DGKB: variants seen among roughly 807,000 people sequenced by gnomAD.
DGKB encodes the protein 90 kDa diacylglycerol kinase.
A neutral mutation model predicts 114.3 loss-of-function variants in DGKB; 67 were observed. The ratio of observed to expected loss-of-function variants is 0.59; its 90% CI spans 0.48 to 0.72. The LOEUF (loss-of-function observed/expected upper bound fraction) is 0.72, where lower values mean the gene tolerates loss of function less well. Ranked by LOEUF, DGKB falls within the 30% of genes least tolerant of loss-of-function variation. The probability of loss-of-function intolerance (pLI) is 0.00; values close to 1 mark genes in which losing one functional copy is unlikely to be tolerated. For missense variants in DGKB, 907 were observed against 975.2 expected (o/e 0.93, Z 0.93); for synonymous variants, 398 against 323.1 (o/e 1.23, Z -2.49).
At chr7:14,894,754 G>A (rs1781840299) in intron 1 of DGKB, among the ~76,000 whole-genome samples, 1 of 151,508 alleles carries the variant, frequency 6.6e-6, no homozygotes, top group Admixed American at 6.6e-5. Flanking sequence ...ATTTCCACTT[G>A]AAGCTCAAAA....
intron 15 of DGKB, chr7:14,621,123 A>C (rs1440456330): frequency 2.8e-6 from 1 of 355,040 alleles, no homozygotes; most frequent in Non-Finnish European, 5.1e-6. Context: ...ATAATTTTCA[A>C]ATCTTTCAAA....
chr7:14,177,226 A>G (rs2128244669), intron 24 of DGKB, among the ~76,000 whole-genome samples: 1 of 152,208 alleles, frequency 6.6e-6, no homozygotes, highest in African/African-American at 2.4e-5. Flanking sequence ...ATAACCCTAC[A>G]TTGCAAACTG....
intron 1 of DGKB, among the ~76,000 whole-genome samples, chr7:14,913,623 AAAG>A (rs1784096964): frequency 1.3e-5 from 2 of 151,958 alleles, no homozygotes; most frequent in African/African-American, 4.8e-5. Flanking sequence ...CTGGAAGAGC[AAAG>A]AAGGAGGCAA....
chr7:14,450,783 G>A (rs1831376299), intron 21 of DGKB, among the ~76,000 whole-genome samples: 1 of 151,876 alleles, frequency 6.6e-6, no homozygotes, highest in Admixed American at 6.6e-5. Context: ...GAAAGTCCTC[G>A]CCAAGTCACA....
At chr7:14,266,360 C>T (rs890288754) in intron 23 of DGKB, among the ~76,000 whole-genome samples, 1 of 151,974 alleles carries the variant, frequency 6.6e-6, no homozygotes, top group African/African-American at 2.4e-5. Flanking sequence ...TGAGTTTGAG[C>T]CAAATATCTC....
intron 21 of DGKB, among the ~76,000 whole-genome samples, chr7:14,458,928 A>T (rs1242499264): frequency 6.6e-6 from 1 of 152,150 alleles, no homozygotes; most frequent in Non-Finnish European, 1.5e-5. Flanking sequence ...ATCCCCACAG[A>T]GCCCAGCAAG....
At chr7:14,546,867 G>A (rs1394503897) in intron 20 of DGKB, among the ~76,000 whole-genome samples, 3 of 152,162 alleles carry the variant, frequency 2.0e-5, no homozygotes, top group Non-Finnish European at 4.4e-5. Flanking sequence ...AGTTACATAA[G>A]TGGGATTCTG....
intron 21 of DGKB, among the ~76,000 whole-genome samples, chr7:14,351,598 T>A (rs1026020744): frequency 6.6e-5 from 10 of 152,256 alleles, no homozygotes; most frequent in Non-Finnish European, 1.5e-4. Context: ...CAATTTATTT[T>A]TTTTTGATTG....
chr7:14,674,488 G>C (rs1819525790), intron 12 of DGKB, among the ~76,000 whole-genome samples: 1 of 152,136 alleles, frequency 6.6e-6, no homozygotes, highest in African/African-American at 2.4e-5. Context: ...CATGGCCATG[G>C]ATGTTTGGAT....
At chr7:14,779,272 A>G (rs1013975672) in intron 2 of DGKB, among the ~76,000 whole-genome samples, 1 of 152,240 alleles carries the variant, frequency 6.6e-6, no homozygotes, top group African/African-American at 2.4e-5. Flanking sequence ...GGTGGGGTTC[A>G]TGCCTGTAAT....
At chr7:14,917,979 A>G (rs1041607000) in intron 1 of DGKB, among the ~76,000 whole-genome samples, 3 of 152,230 alleles carry the variant, frequency 2.0e-5, no homozygotes, top group African/African-American at 7.2e-5. Flanking sequence ...AATCAATCCC[A>G]TCAACAAGCT....
chr7:14,653,313 T>C (rs1815008769), intron 13 of DGKB, among the ~76,000 whole-genome samples: 1 of 151,994 alleles, frequency 6.6e-6, no homozygotes, highest in African/African-American at 2.4e-5. Context: ...CACCATGGAA[T>C]ACTATGCAGC....
intron 23 of DGKB, among the ~76,000 whole-genome samples, chr7:14,179,107 C>T (rs537765505): frequency 5.7e-4 from 87 of 152,270 alleles, no homozygotes; most frequent in South Asian, 1.2e-3. Flanking sequence ...GAATTTACAA[C>T]GTTTTAGAAA....
At chr7:14,219,628 GGCTA>G (rs1269454809) in intron 23 of DGKB, among the ~76,000 whole-genome samples, 1 of 151,456 alleles carries the variant, frequency 6.6e-6, no homozygotes, top group African/African-American at 2.4e-5. Flanking sequence ...GCTGTAATTG[GGCTA>G]TTTATTTTTT....
At chr7:14,533,351 A>T (rs1023164201) in intron 20 of DGKB, among the ~76,000 whole-genome samples, 16 of 151,784 alleles carry the variant, frequency 1.1e-4, no homozygotes, top group Non-Finnish European at 2.1e-4. Context: ...CCGATCATAA[A>T]AGCAAAAAGA....
intron 23 of DGKB, among the ~76,000 whole-genome samples, chr7:14,212,132 T>TA (rs751416992): frequency 4.8e-4 from 1 of 2,078 alleles, no homozygotes; most frequent in Non-Finnish European, 6.6e-4. Context: ...TGTTTTGTGA[T>TA]TTTACTCTCG....
intron 2 of DGKB, among the ~76,000 whole-genome samples, chr7:14,830,313 T>A (rs574327047): frequency 6.6e-6 from 1 of 152,186 alleles, no homozygotes; most frequent in South Asian, 2.1e-4. Flanking sequence ...ACAGACTTCC[T>A]CTTTGAATTC....
chr7:14,489,662 C>A (rs184877281), intron 20 of DGKB, among the ~76,000 whole-genome samples: 106 of 152,168 alleles, frequency 7.0e-4, no homozygotes, highest in African/African-American at 2.4e-3. Flanking sequence ...ACCTCATGTG[C>A]GTTTGCAATC....
At chr7:14,722,907 C>T (rs947146848) in intron 5 of DGKB, among the ~76,000 whole-genome samples, 45 of 151,922 alleles carry the variant, frequency 3.0e-4, no homozygotes, top group African/African-American at 1.1e-3. Flanking sequence ...TTAAATGTTT[C>T]TTTATATTAT....
Sources: allele counts gnomAD v4.1 joint callset (sites outside exome capture counted in the v4.1 genomes callset), GRCh38; gene constraint gnomAD v4.1.1; transcripts MANE v1.5; gene names NCBI Gene and HGNC (gene_info 2026-07-23, HGNC 2026-07-21).